Variants in RAD23B observed in about 807,000 individuals in gnomAD.
The protein encoded by RAD23B is lysine-specific demethylase RAD23B.
RAD23B carries 5 observed loss-of-function variants against 49.1 expected under a neutral mutation model. The observed-to-expected ratio is 0.10, with a 90% CI of 0.05 to 0.21. The LOEUF (loss-of-function observed/expected upper bound fraction) is 0.21, where lower values mean the gene tolerates loss of function less well. Ranked by LOEUF, RAD23B falls within the 10% of genes least tolerant of loss-of-function variation. The probability of loss-of-function intolerance (pLI) is 1.00; values close to 1 mark genes in which losing one functional copy is unlikely to be tolerated. For synonymous variants in RAD23B, 184 were observed against 165.4 expected (o/e 1.11, Z -0.86); for missense variants, 356 against 486.7 (o/e 0.73, Z 2.53).
At chr9:107,294,615 C>G (rs1278819020) in intron 1 of RAD23B, among the ~76,000 whole-genome samples, 3 of 152,140 alleles carry the variant, frequency 2.0e-5, no homozygotes, top group Non-Finnish European at 4.4e-5. Flanking sequence ...GAAGTATGCT[C>G]AATTAGGTTG....
intron 1 of RAD23B, among the ~76,000 whole-genome samples, chr9:107,296,839 T>C (rs943817124): frequency 6.8e-6 from 1 of 147,848 alleles, no homozygotes; most frequent in Non-Finnish European, 1.5e-5. Context: ...CCAGCTGCCT[T>C]TTCTCTTTTT....
chr9:107,308,022 T>TA (rs947641244), intron 4 of RAD23B, among the ~76,000 whole-genome samples: 4 of 152,106 alleles, frequency 2.6e-5, no homozygotes, highest in African/African-American at 9.7e-5. Flanking sequence ...CTTACGCATT[T>TA]AAAAAATTGG....
At chr9:107,290,353 A>G (rs1419643889) in intron 1 of RAD23B, among the ~76,000 whole-genome samples, 2 of 152,018 alleles carry the variant, frequency 1.3e-5, no homozygotes, top group Non-Finnish European at 2.9e-5. Flanking sequence ...GATTTTTCCC[A>G]TTTCTAGGGT....
chr9:107,327,560 G>A (rs1281872026), intron 9 of RAD23B, among the ~76,000 whole-genome samples: 1 of 152,088 alleles, frequency 6.6e-6, no homozygotes, highest in Non-Finnish European at 1.5e-5. Context: ...ATTTCCACAA[G>A]TTTATGAATT....
In RAD23B at chr9:107,330,331, A is replaced by G. The variant is rs1331226032; in HGVS notation, c.*675A>G. ...TCTAACATGATTTGAGAAGCTGTAC[A>G]AGTATAGGCAGAGTTATTTTCCTGT... On this transcript the variant is annotated 3_prime_UTR_variant, in exon 10 of 10. Transcript: ENST00000358015. This position sits in a 1 kb window ranked among gnomAD's most constrained non-coding sequence, Gnocchi z 4.4. 1 of 152,638 alleles carries G rather than the reference A, an allele frequency of 6.6e-6. No homozygotes were observed. Among genetic ancestry groups the G allele is most frequent in the Non-Finnish European group, 1.5e-5 (1 of 68,032 alleles). 9.5% of individuals were successfully genotyped at this position (152,638 alleles called of 1,614,324 possible).
At chr9:107,317,111 T>C (rs2133090359) in intron 5 of RAD23B, among the ~76,000 whole-genome samples, 1 of 152,052 alleles carries the variant, frequency 6.6e-6, no homozygotes, top group African/African-American at 2.4e-5. Context: ...TGTGTGTGTG[T>C]GTGTGTGTGT....
chr9:107,298,474 ATTTTTTTTTTTTT>A (rs35923233), intron 1 of RAD23B, among the ~76,000 whole-genome samples: 7,789 of 53,510 alleles, frequency 0.15, 378 homozygotes, highest in South Asian at 0.31. Flanking sequence ...TGCTTGGCTA[ATTTTTTTTTTTTT>A]TTTTTTTTTT....
At chr9:107,308,047 T>A in intron 4 of RAD23B, among the ~76,000 whole-genome samples, 1 of 152,168 alleles carries the variant, frequency 6.6e-6, no homozygotes, top group East Asian at 1.9e-4. Flanking sequence ...CTAAAGCACT[T>A]AAATATTACA....
chr9:107,328,057 A>G (rs909277752), intron 9 of RAD23B, among the ~76,000 whole-genome samples: 4 of 152,044 alleles, frequency 2.6e-5, no homozygotes, highest in African/African-American at 9.7e-5. Flanking sequence ...TTTACTTTCA[A>G]CCTACTTGTG....
chr9:107,283,572 C>T lies in RAD23B; in HGVS notation c.-58C>T, dbSNP rs1833200384. 2.1e-6 allele frequency: 3 copies of T among 1,408,956 alleles called. No individual in the cohort carries two copies. The highest frequency in any genetic ancestry group is 2.8e-6 in the Non-Finnish European group (3 of 1,058,782). 87.3% of individuals were successfully genotyped at this position (1,408,956 alleles called of 1,614,324 possible). A position where few individuals can be genotyped will look rare whatever the true frequency, so the allele number is the denominator to read the frequency against. ...CCCCGGGGCCCCGCCAGGCCACAGA[C>T]CCCGCCCAGCGGCCAGCACCCGGCG... On this transcript the variant is annotated 5_prime_UTR_variant, in exon 1 of 10. Transcript: ENST00000358015.
intron 1 of RAD23B, among the ~76,000 whole-genome samples, chr9:107,286,643 A>G (rs776431349): frequency 1.7e-4 from 26 of 152,214 alleles, no homozygotes; most frequent in Admixed American, 1.5e-3. Flanking sequence ...TAGGGAGACC[A>G]TTGCTAGGAG....
chr9:107,313,482 C>T (rs1447304634), intron 5 of RAD23B, among the ~76,000 whole-genome samples: 2 of 152,168 alleles, frequency 1.3e-5, no homozygotes, highest in African/African-American at 4.8e-5. Context: ...GCCTCGGCCT[C>T]CAAAGTGCTG....
intron 7 of RAD23B, among the ~76,000 whole-genome samples, 191 bp downstream of exon 7, chr9:107,322,309 T>C (rs1187907061): frequency 6.6e-6 from 1 of 152,274 alleles, no homozygotes; most frequent in Non-Finnish European, 1.5e-5. Flanking sequence ...GTATCCTTGC[T>C]GATATTAAAC....
chr9:107,318,874 T>C lies in RAD23B; in HGVS notation c.676T>C (p.Leu226=). 1 of 1,609,872 alleles carries C rather than the reference T, an allele frequency of 6.2e-7. No homozygotes were observed. Among genetic ancestry groups the C allele is most frequent in the East Asian group, 2.2e-5 (1 of 44,828 alleles). The change falls in exon 6 of 10, where the codon TTA becomes CTA. Residue 226 remains leucine, a synonymous_variant. Transcript: ENST00000358015. This position sits in a 1 kb window ranked among gnomAD's most constrained non-coding sequence, Gnocchi z 4.3. The stretch of plus-strand genomic sequence containing the variant: ...CCCTGACAGAGCAGTGGAGTATCTT[T>C]TAATGGTGAGAAATATGTTTTACTT... ...NNPDRAVEYL[L]MGIPGDRESQ...
chr9:107,299,042 A>C (rs1826595626), intron 1 of RAD23B, among the ~76,000 whole-genome samples: 1 of 152,162 alleles, frequency 6.6e-6, no homozygotes, highest in Non-Finnish European at 1.5e-5. Context: ...AAGGGGTGGT[A>C]ACCTCTTTAT....
intron 9 of RAD23B, 149 bp downstream of exon 9, chr9:107,325,153 A>G (rs1446912077): frequency 1.1e-5 from 6 of 569,932 alleles, no homozygotes; most frequent in Non-Finnish European, 1.8e-5. Context: ...CATCTCTACT[A>G]AAAATACAAA....
chr9:107,302,260 T>G, intron 3 of RAD23B, 146 bp downstream of exon 3: 1 of 1,098,240 alleles, frequency 9.1e-7, no homozygotes. Flanking sequence ...GAATTTACCT[T>G]AAGTGAAACA....
chr9:107,306,783 C>T (rs1355302302), intron 4 of RAD23B, 136 bp downstream of exon 4: 11 of 956,590 alleles, frequency 1.1e-5, no homozygotes, highest in South Asian at 8.7e-5. Flanking sequence ...TTGACTAAAA[C>T]ATATGCTGCG....
chr9:107,329,350 CCTTG>C (rs1392717051), intron 9 of RAD23B, among the ~76,000 whole-genome samples, 189 bp from the exon 10 acceptor site: 1 of 151,976 alleles, frequency 6.6e-6, no homozygotes, highest in Non-Finnish European at 1.5e-5. Context: ...CCATCTAATC[CCTTG>C]GGTTGGGCAG....
Sources: gnomAD v4.1 joint callset for allele counts (sites outside exome capture counted in the v4.1 genomes callset) on GRCh38, gnomAD v4.1.1 for gene constraint, Gnocchi (gnomAD v3.1) non-coding constraint, MANE v1.5 for transcripts, NCBI Gene and HGNC (gene_info 2026-07-23, HGNC 2026-07-21) for gene names.